The following CDC42SE2 variants were observed in gnomAD, a reference collection of about 807,000 sequenced individuals.
CDC42SE2 encodes CDC42 small effector protein 2.
In CDC42SE2, 3 loss-of-function variants were observed where a neutral mutation model predicts 11.5. The ratio of observed to expected loss-of-function variants is 0.26; its 90% CI spans 0.12 to 0.67. The LOEUF is 0.67. CDC42SE2 is among the 30% of genes least tolerant of loss of function. CDC42SE2 has a pLI of 0.80. For missense variants in CDC42SE2, 82 were observed against 106.8 expected (o/e 0.77, Z 1.02); for synonymous variants, 33 against 34.8 (o/e 0.95, Z 0.18).
At chr5:131,259,247 A>C (rs1446810191), upstream of CDC42SE2, among the ~76,000 whole-genome samples, 1 of 152,318 alleles carries the variant, frequency 6.6e-6, no homozygotes, top group East Asian at 1.9e-4. Context: ...GGTATCTTCT[A>C]TCACACTAAA....
intron 3 of CDC42SE2, among the ~76,000 whole-genome samples, chr5:131,376,996 G>C (rs972169137): frequency 6.6e-6 from 1 of 151,856 alleles, no homozygotes; most frequent in Non-Finnish European, 1.5e-5. Context: ...TATTACTTTG[G>C]GTATATACTC....
chr5:131,320,860 A>G (rs1356509481), intron 2 of CDC42SE2, among the ~76,000 whole-genome samples: 2 of 152,210 alleles, frequency 1.3e-5, no homozygotes, highest in Non-Finnish European at 1.5e-5. Context: ...TGATGAAAGC[A>G]CGTATCGGAT....
chr5:131,212,428 C>G, the CDC42SE2 span, among the ~76,000 whole-genome samples: 35 of 152,218 alleles, frequency 2.3e-4, no homozygotes, highest in African/African-American at 7.9e-4. Context: ...ATTTTTATCT[C>G]TCACCAGTGA....
rs141613155 is a variant in CDC42SE2 at position 131,354,499 on chromosome 5, T to C, written c.-285-4710T>C. 1.7e-3 allele frequency among the ~76,000 whole-genome samples: 264 copies of C among 152,320 alleles called. 1 individual carries two copies. Among genetic ancestry groups the C allele is most frequent in the African/African-American group, 5.9e-3 (244 of 41,574 alleles). On this transcript the variant is annotated intron_variant, in intron 2 of 4. Transcript: ENST00000505065. ...TCTCTAAACAAAATAGTTTAAATTG[T>C]TTTTGAAATTCACAGAAATCATTGC...
At chr5:131,249,267 C>T (rs981351815) in intron 1 of CDC42SE2, among the ~76,000 whole-genome samples, 2 of 151,598 alleles carry the variant, frequency 1.3e-5, no homozygotes, top group Non-Finnish European at 3.0e-5. Context: ...ATCTGCCCAC[C>T]TCAGCCTTCC....
chr5:131,235,752 A>G, the CDC42SE2 span, among the ~76,000 whole-genome samples: 1 of 151,730 alleles, frequency 6.6e-6, no homozygotes, highest in East Asian at 1.9e-4. Context: ...GTGCCACCAC[A>G]CCCGGCTAAT....
At chr5:131,316,167 A>G (rs1037618729) in intron 2 of CDC42SE2, 23 bp downstream of exon 2, 6 of 152,370 alleles carry the variant, frequency 3.9e-5, no homozygotes, top group African/African-American at 1.4e-4. Flanking sequence ...ATCTCCACTG[A>G]TAATTAAATA....
At chr5:131,336,640 T>A (rs1238993907) in intron 2 of CDC42SE2, among the ~76,000 whole-genome samples, 4 of 152,220 alleles carry the variant, frequency 2.6e-5, no homozygotes, top group East Asian at 1.9e-4. Flanking sequence ...TTTCACATAG[T>A]CCCATATTTC....
At chr5:131,283,107 A>G (rs960420476) in intron 1 of CDC42SE2, among the ~76,000 whole-genome samples, 13 of 151,112 alleles carry the variant, frequency 8.6e-5, no homozygotes, top group African/African-American at 3.2e-4. Context: ...TTGTATTTTT[A>G]GTAGAGATGG....
the CDC42SE2 span, among the ~76,000 whole-genome samples, chr5:131,225,234 A>G: frequency 1.3e-5 from 2 of 152,340 alleles, no homozygotes; most frequent in East Asian, 3.9e-4. Context: ...AGGTGTCCAT[A>G]GGAGAGAACC....
chr5:131,354,693 T>A (rs1749480513), intron 2 of CDC42SE2: 1 of 152,236 alleles, frequency 6.6e-6, no homozygotes, highest in Admixed American at 6.5e-5. Flanking sequence ...GCAAATTACC[T>A]GTTTTTGCTA....
chr5:131,278,243 C>G (rs1295017813), intron 1 of CDC42SE2, among the ~76,000 whole-genome samples: 1 of 152,154 alleles, frequency 6.6e-6, no homozygotes, highest in Non-Finnish European at 1.5e-5. Context: ...CTGGGCCTCC[C>G]AAAGTGCTGG....
intron 1 of CDC42SE2, among the ~76,000 whole-genome samples, chr5:131,302,436 C>T (rs1388697284): frequency 6.6e-6 from 1 of 152,200 alleles, no homozygotes; most frequent in African/African-American, 2.4e-5. Flanking sequence ...GCCTCGGCCT[C>T]CCAAAGTGCC....
chr5:131,328,193 A>G (rs1758338269), intron 2 of CDC42SE2, among the ~76,000 whole-genome samples: 1 of 152,118 alleles, frequency 6.6e-6, no homozygotes, highest in Non-Finnish European at 1.5e-5. Context: ...AATTCTGAAA[A>G]AACCCCTGCT....
chr5:131,288,963 T>C (rs1360165930), intron 1 of CDC42SE2, among the ~76,000 whole-genome samples: 1 of 152,246 alleles, frequency 6.6e-6, no homozygotes, highest in Non-Finnish European at 1.5e-5. Flanking sequence ...TATTTATTAA[T>C]AGTATTCTGT....
chr5:131,271,806 C>T lies in CDC42SE2; in HGVS notation c.-455+7640C>T, dbSNP rs145484424. On this transcript the variant is annotated intron_variant, in intron 1 of 4. Transcript: ENST00000505065. ...TTTTCATACACATTCAACTCCCTTG[C>T]GGCATTCTTCTGTTGTAATTCACCT... Among the ~76,000 whole-genome samples, 692 of 152,204 alleles carry T rather than the reference C, an allele frequency of 4.5e-3. 5 individuals carry two copies. The highest frequency in any genetic ancestry group is 0.015 in the African/African-American group (605 of 41,520).
chr5:131,335,126 A>G (rs1758523050), intron 2 of CDC42SE2, among the ~76,000 whole-genome samples: 1 of 152,158 alleles, frequency 6.6e-6, no homozygotes, highest in Non-Finnish European at 1.5e-5. Context: ...TTCCCTCTAC[A>G]CACTGCTTTG....
intron 1 of CDC42SE2, among the ~76,000 whole-genome samples, chr5:131,266,008 T>G (rs1425944413): frequency 6.6e-6 from 1 of 152,256 alleles, no homozygotes; most frequent in Non-Finnish European, 1.5e-5. Context: ...GAATTTTATT[T>G]TGTCCTTGTG....
In CDC42SE2 at chr5:131,335,484, G is replaced by A. The variant is rs189251911; in HGVS notation, c.-286+19340G>A. On this transcript the variant is annotated intron_variant, in intron 2 of 4. Transcript: ENST00000505065. ...GAGTTCTGTAGATGTCTATTAGGTCGGCTTGGTGCAGAGCTGAGTTCAATT... is the reference window on the plus strand; with the variant it reads ...GAGTTCTGTAGATGTCTATTAGGTCAGCTTGGTGCAGAGCTGAGTTCAATT... 3.8e-3 allele frequency among the ~76,000 whole-genome samples: 574 copies of A among 152,086 alleles called. 16 individuals are homozygous for A. The East Asian group carries it at 0.081, about 21-fold the overall frequency.
Sources: allele counts gnomAD v4.1 joint callset (sites outside exome capture counted in the v4.1 genomes callset), GRCh38; gene constraint gnomAD v4.1.1; transcripts MANE v1.5; gene names NCBI Gene and HGNC (gene_info 2026-07-23, HGNC 2026-07-21).